Variants in MEIS2 observed in about 807,000 individuals in gnomAD.
The protein encoded by MEIS2 is homeobox protein Meis2.
MEIS2 carries 9 observed loss-of-function variants against 58.6 expected under a neutral mutation model. That is an observed-to-expected ratio of 0.15 (90% CI 0.09 to 0.27). The LOEUF is 0.27. Ranked by LOEUF, MEIS2 falls within the 10% of genes least tolerant of loss-of-function variation. The pLI is 1.00. For missense variants in MEIS2, 427 were observed against 635.0 expected (o/e 0.67, Z 3.52); for synonymous variants, 221 against 228.4 (o/e 0.97, Z 0.29).
chr15:37,036,709 T>C, intron 8 of MEIS2, 105 bp downstream of exon 8: 1 of 1,290,648 alleles, frequency 7.7e-7, no homozygotes, highest in Non-Finnish European at 1.0e-6. Context: ...ATTTCAAGAA[T>C]AAGAAAATAG....
intron 6 of MEIS2, among the ~76,000 whole-genome samples, chr15:37,092,783 T>C (rs1410067734): frequency 8.3e-6 from 1 of 120,106 alleles, no homozygotes; most frequent in Non-Finnish European, 1.6e-5. Context: ...CAAAATAGGA[T>C]TAGAAACAGA....
At chr15:36,990,611 A>G (rs2060239760) in intron 8 of MEIS2, among the ~76,000 whole-genome samples, 2 of 147,316 alleles carry the variant, frequency 1.4e-5, no homozygotes, top group East Asian at 2.0e-4. Context: ...CTAAGTATAT[A>G]CAGTTTATTG....
chr15:37,045,790 G>C (rs560229681), intron 7 of MEIS2, among the ~76,000 whole-genome samples: 2 of 152,310 alleles, frequency 1.3e-5, no homozygotes, highest in South Asian at 2.1e-4. Context: ...CGCTAGCATG[G>C]AGGGAAGCAG....
At chr15:36,986,228 T>C (rs986152981) in intron 8 of MEIS2, among the ~76,000 whole-genome samples, 7 of 152,198 alleles carry the variant, frequency 4.6e-5, no homozygotes, top group African/African-American at 1.7e-4. Context: ...AATCTTGCCT[T>C]CTGTATTCAG....
At chr15:37,064,158 T>A (rs1035757893) in intron 7 of MEIS2, among the ~76,000 whole-genome samples, 4 of 152,070 alleles carry the variant, frequency 2.6e-5, no homozygotes, top group Non-Finnish European at 5.9e-5. Flanking sequence ...TTTTAAAACT[T>A]AAGATATCAA....
At chr15:37,095,532 G>T (rs1161922111) in intron 4 of MEIS2, 32 bp downstream of exon 4, 2 of 1,614,108 alleles carry the variant, frequency 1.2e-6, no homozygotes, top group Non-Finnish European at 8.5e-7. Context: ...GAGGGCAAAG[G>T]CTGGGGAAAA....
Position 37,083,873 on chromosome 15 carries a change from A to T in MEIS2, c.652T>A (p.Trp218Arg). The T allele has an allele frequency of 6.2e-7, 1 of 1,613,976 alleles. No individual in the cohort carries two copies. The highest frequency in any genetic ancestry group is 8.5e-7 in the Non-Finnish European group (1 of 1,179,910). Residue 218 changes from tryptophan (W) to arginine (R), a missense_variant, in exon 7 of 12, where the codon TGG (tryptophan) becomes AGG (arginine). Physicochemically the swap from Trp to Arg is moderately radical, Grantham distance 101. This residue lies in a region of MEIS2 where 138 missense variants were observed against 263.0 expected (regional missense o/e 0.52). Transcript: ENST00000561208. Reference sequence around the variant, plus strand: ...GAGGTTGCATCATCGTGGTCTCGCCAAGAAGAAGGGTTCTGATGTCAGGAT... The same window carrying T: ...GAGGTTGCATCATCGTGGTCTCGCCTAGAAGAAGGGTTCTGATGTCAGGAT... ...TNLADHNPSS[W>R]RDHDDATSTH... is the part of the protein sequence containing the mutation.
At chr15:36,933,006 G>C (rs1479651775) in intron 9 of MEIS2, among the ~76,000 whole-genome samples, 2 of 152,184 alleles carry the variant, frequency 1.3e-5, no homozygotes, top group Admixed American at 6.5e-5. Context: ...TAGCCCATTA[G>C]TTTGACATGA....
intron 9 of MEIS2, among the ~76,000 whole-genome samples, chr15:36,914,160 G>A (rs11635230): frequency 0.096 from 14,578 of 152,224 alleles, 851 homozygotes; most frequent in East Asian, 0.17. Context: ...GCCACCAACA[G>A]TACTGAAAAT....
chr15:36,980,372 A>T (rs1287683062), intron 8 of MEIS2, among the ~76,000 whole-genome samples: 1 of 152,198 alleles, frequency 6.6e-6, no homozygotes, highest in Non-Finnish European at 1.5e-5. Flanking sequence ...TACAAAAGAA[A>T]GAGGTTTAAT....
chr15:37,055,187 A>G (rs975714827), intron 7 of MEIS2, among the ~76,000 whole-genome samples: 1 of 152,194 alleles, frequency 6.6e-6, no homozygotes, highest in Non-Finnish European at 1.5e-5. Flanking sequence ...ATAAAACCTC[A>G]TAACATTTCT....
intron 8 of MEIS2, among the ~76,000 whole-genome samples, chr15:37,028,189 A>G (rs2061775128): frequency 6.6e-6 from 1 of 152,170 alleles, no homozygotes; most frequent in African/African-American, 2.4e-5. Context: ...TTTAAACAGG[A>G]TTGTCTGATG....
chr15:37,027,332 A>G (rs2061740950), intron 8 of MEIS2, among the ~76,000 whole-genome samples: 1 of 152,212 alleles, frequency 6.6e-6, no homozygotes, highest in Non-Finnish European at 1.5e-5. Flanking sequence ...TTATGACCCT[A>G]TCCTGCAGCA....
At chr15:37,068,046 C>A (rs1890194440) in intron 7 of MEIS2, among the ~76,000 whole-genome samples, 1 of 152,164 alleles carries the variant, frequency 6.6e-6, no homozygotes, top group Non-Finnish European at 1.5e-5. Flanking sequence ...TATCTAATTT[C>A]ATTCTCACAC....
intron 9 of MEIS2, among the ~76,000 whole-genome samples, chr15:36,899,134 T>G (rs1419966680): frequency 6.6e-6 from 1 of 152,232 alleles, no homozygotes; most frequent in Non-Finnish European, 1.5e-5. Flanking sequence ...TTTTGATCCA[T>G]AGTGCTATTT....
chr15:37,099,235 C>A, intron 1 of MEIS2: 2 of 1,432,738 alleles, frequency 1.4e-6, no homozygotes, highest in Non-Finnish European at 1.8e-6. Flanking sequence ...CTGGAACACG[C>A]GCGCCCAGAC....
chr15:36,973,991 AT>A, intron 8 of MEIS2, among the ~76,000 whole-genome samples: 1 of 152,234 alleles, frequency 6.6e-6, no homozygotes, highest in South Asian at 2.1e-4. Flanking sequence ...TTCCCCCTCG[AT>A]TTTTCTAGCT....
intron 8 of MEIS2, among the ~76,000 whole-genome samples, chr15:36,975,895 T>G (rs1313407757): frequency 6.6e-6 from 1 of 152,096 alleles, no homozygotes; most frequent in Non-Finnish European, 1.5e-5. Context: ...ATAAAGTATG[T>G]GAGGGAATGC....
At chr15:37,016,333 G>GT (rs11355643) in intron 8 of MEIS2, among the ~76,000 whole-genome samples, 1,658 of 148,576 alleles carry the variant, frequency 0.011, 31 homozygotes, top group African/African-American at 0.039. Context: ...TATTTGCAGT[G>GT]TTTTTTTTTT....
Sources: allele counts gnomAD v4.1 joint callset (sites outside exome capture counted in the v4.1 genomes callset), GRCh38; gene constraint gnomAD v4.1.1; regional missense constraint gnomAD v4.1.1; transcripts MANE v1.5; gene names NCBI Gene and HGNC (gene_info 2026-07-23, HGNC 2026-07-21).